DNAJC5: variants seen among roughly 807,000 people sequenced by gnomAD.
DNAJC5 encodes the protein DnaJ heat shock protein family (Hsp40) member C5, also known as dnaJ homolog subfamily C member 5.
DNAJC5 carries 1 observed loss-of-function variant against 23.2 expected under a neutral mutation model. The ratio of observed to expected loss-of-function variants is 0.04; its 90% CI spans 0.02 to 0.20. The LOEUF (loss-of-function observed/expected upper bound fraction) is 0.20, where lower values mean the gene tolerates loss of function less well. Ranked by LOEUF, DNAJC5 falls within the 10% of genes least tolerant of loss-of-function variation. The pLI is 1.00. For missense variants in DNAJC5, 180 were observed against 267.0 expected (o/e 0.67, Z 2.27); for synonymous variants, 136 against 120.0 (o/e 1.13, Z -0.87).
At chr20:63,903,143 T>C (rs920386098) in intron 1 of DNAJC5, among the ~76,000 whole-genome samples, 1 of 151,988 alleles carries the variant, frequency 6.6e-6, no homozygotes, top group Non-Finnish European at 1.5e-5. Flanking sequence ...TGACTAATGT[T>C]TTAATTTTTG....
intron 1 of DNAJC5, among the ~76,000 whole-genome samples, chr20:63,925,818 T>C (rs1199881848): frequency 6.8e-6 from 1 of 146,242 alleles, no homozygotes; most frequent in Non-Finnish European, 1.5e-5. Flanking sequence ...GCCTGGAATT[T>C]TATCTGGTTT....
chr20:63,914,166 C>A (rs1271924854), intron 1 of DNAJC5, among the ~76,000 whole-genome samples: 5 of 152,222 alleles, frequency 3.3e-5, no homozygotes, highest in Non-Finnish European at 5.9e-5. Flanking sequence ...TCAGTCCTTA[C>A]AGCCCAGAAC....
intron 1 of DNAJC5, among the ~76,000 whole-genome samples, chr20:63,922,816 C>T (rs567857135): frequency 1.8e-4 from 27 of 152,032 alleles, no homozygotes; most frequent in African/African-American, 6.5e-4. Flanking sequence ...AGGTATTTAC[C>T]ATTTCCAGTG....
rs1251315011 is a variant in DNAJC5, at chr20:63,934,688, C to T, written c.*3120C>T. 1 of 152,240 alleles carries T rather than the reference C, an allele frequency of 6.6e-6. No homozygotes were observed. Among genetic ancestry groups the T allele is most frequent in the African/African-American group, 2.4e-5 (1 of 41,452 alleles). The allele number at this position is 152,240 out of a possible 1,614,324, so 9.4% of individuals were successfully genotyped here. A position where few individuals can be genotyped will look rare whatever the true frequency, so the allele number is the denominator to read the frequency against. On this transcript the variant is annotated 3_prime_UTR_variant, in exon 5 of 5. Coordinates refer to ENST00000360864, the MANE Select transcript of DNAJC5 (RefSeq NM_025219.3). ...AGTGTTTGTGAACTTTCCTAGTTCT[C>T]TATGTTGTTAGTGCAGCCAGCACCC...
chr20:63,923,835 CT>C lies in DNAJC5; in HGVS notation c.-11-4499del, dbSNP rs555298035. ...TGCCAAGTCCATCCGTTCCTACACT[CT>C]CACTGCCTCCAAGTCATTCTGCGCT... On this transcript the variant is annotated intron_variant, in intron 1 of 4. Coordinates refer to ENST00000360864, the MANE Select transcript of DNAJC5 (RefSeq NM_025219.3). Among the ~76,000 whole-genome samples the C allele has an allele frequency of 4.6e-3, 694 of 152,378 alleles. 3 individuals carry two copies. Among genetic ancestry groups the C allele is most frequent in the African/African-American group, 0.016 (653 of 41,586 alleles).
At chr20:63,919,494 G>T (rs757345661) in intron 1 of DNAJC5, 1 of 456,996 alleles carries the variant, frequency 2.2e-6, no homozygotes, top group Non-Finnish European at 4.2e-6. Context: ...GGAAGAGGAC[G>T]CACCCGGCTG....
At chr20:63,895,774 G>A (rs1002901959) in intron 1 of DNAJC5, among the ~76,000 whole-genome samples, 3 of 152,228 alleles carry the variant, frequency 2.0e-5, no homozygotes, top group African/African-American at 7.2e-5. Flanking sequence ...TCGGGGAATT[G>A]AAAATTGTTC....
At chr20:63,923,920 C>CT (rs1172942615) in intron 1 of DNAJC5, among the ~76,000 whole-genome samples, 1 of 152,138 alleles carries the variant, frequency 6.6e-6, no homozygotes, top group Non-Finnish European at 1.5e-5. Flanking sequence ...TAGTAATTGA[C>CT]TTGTGTAAGA....
Position 63,928,591 on chromosome 20 carries a change from C to CACCTTT in DNAJC5, c.107+140_107+145dup, listed in dbSNP as rs1460971347. Reference sequence around the variant, plus strand: ...CGTTGAACTGGTCACAGCTCGGTAACACCTTTGTATGTGTAATGTGCTCCT... The same window carrying CACCTTT: ...CGTTGAACTGGTCACAGCTCGGTAACACCTTTACCTTTGTATGTGTAATGTGCTCCT... On this transcript the variant is annotated intron_variant, in intron 2 of 4. Transcript: ENST00000360864. This position sits in a 1 kb window ranked among gnomAD's most constrained non-coding sequence, Gnocchi z 4.6. 1.8e-5 allele frequency: 13 copies of CACCTTT among 731,104 alleles called. No homozygotes were observed. The Admixed American group carries it at 2.4e-4, about 14-fold the overall frequency. 45.3% of individuals were successfully genotyped at this position (731,104 alleles called of 1,614,324 possible).
At chr20:63,905,346 C>T (rs1202449673) in intron 1 of DNAJC5, among the ~76,000 whole-genome samples, 2 of 152,080 alleles carry the variant, frequency 1.3e-5, no homozygotes, top group African/African-American at 4.8e-5. Context: ...GACCTCCTGA[C>T]CTCAAGTGAT....
chr20:63,908,446 A>G (rs924838869), intron 1 of DNAJC5, among the ~76,000 whole-genome samples: 1 of 152,200 alleles, frequency 6.6e-6, no homozygotes, highest in Non-Finnish European at 1.5e-5. Context: ...TGGTCTGCTC[A>G]GTGGAAGCAT....
rs1372140406 is a variant in DNAJC5 at position 63,933,069 on chromosome 20, G to A, written c.*1501G>A. 6 of 152,436 alleles carry A rather than the reference G, an allele frequency of 3.9e-5. No individual in the cohort carries two copies. Among genetic ancestry groups the A allele is most frequent in the Non-Finnish European group, 7.3e-5 (5 of 68,104 alleles). 9.4% of individuals were successfully genotyped at this position (152,436 alleles called of 1,614,324 possible). A position where few individuals can be genotyped will look rare whatever the true frequency, so the allele number is the denominator to read the frequency against. On this transcript the variant is annotated 3_prime_UTR_variant, in exon 5 of 5. Transcript: ENST00000360864. ...CATGCTGCAGACTCCAGTGGGCCTG[G>A]TTTCTGCAGAATGTCCATGGTGGCC...
Position 63,918,739 on chromosome 20 carries a change from C to T in DNAJC5, c.-11-9596C>T, listed in dbSNP as rs143042551. On this transcript the variant is annotated intron_variant, in intron 1 of 4. Coordinates refer to ENST00000360864, the MANE Select transcript of DNAJC5 (RefSeq NM_025219.3). ...CCTCCCGAGTAGCTGGGACTACAGG[C>T]GCCCACCACCATGCCTGGCTAATGT... 8.7e-3 allele frequency among the ~76,000 whole-genome samples: 1,320 copies of T among 152,270 alleles called. 11 individuals carry two copies. Among genetic ancestry groups the T allele is most frequent in the Non-Finnish European group, 0.011 (723 of 68,026 alleles).
At chr20:63,922,889 C>T (rs2053583781) in intron 1 of DNAJC5, among the ~76,000 whole-genome samples, 1 of 152,158 alleles carries the variant, frequency 6.6e-6, no homozygotes. Flanking sequence ...CCTGTAATCC[C>T]CAGCACTTTG....
At position 63,929,761 on chromosome 20, in the gene DNAJC5, C is replaced by G. The variant is rs1399927223; in HGVS notation, c.321+236C>G. Among the ~76,000 whole-genome samples, 1 of 152,206 alleles carries G rather than the reference C, an allele frequency of 6.6e-6. No homozygotes were observed. The highest frequency in any genetic ancestry group is 1.5e-5 in the Non-Finnish European group (1 of 68,040). On this transcript the variant is annotated intron_variant, in intron 3 of 4. Coordinates refer to ENST00000360864, the MANE Select transcript of DNAJC5 (RefSeq NM_025219.3). The surrounding 1 kb of genome is among the most constrained non-coding windows in gnomAD (Gnocchi z 8.6). Reference sequence around the variant, plus strand: ...ACCCGAGTCTCTCCTGCCATGTGGGCACCCGGGTCACTCCACGCCTGCAGG... The same window carrying G: ...ACCCGAGTCTCTCCTGCCATGTGGGGACCCGGGTCACTCCACGCCTGCAGG...
At chr20:63,910,230 C>A (rs763759106) in intron 1 of DNAJC5, among the ~76,000 whole-genome samples, 71 of 152,248 alleles carry the variant, frequency 4.7e-4, no homozygotes, top group Admixed American at 9.2e-4. Flanking sequence ...GACTTTTTGT[C>A]TGCTGTTTGC....
At chr20:63,921,289 C>A (rs1490598548) in intron 1 of DNAJC5, among the ~76,000 whole-genome samples, 1 of 152,042 alleles carries the variant, frequency 6.6e-6, no homozygotes, top group African/African-American at 2.4e-5. Context: ...ATAATGATGT[C>A]ACTAAAAGAG....
At chr20:63,913,398 C>CTT (rs1156495840) in intron 1 of DNAJC5, among the ~76,000 whole-genome samples, 5 of 142,936 alleles carry the variant, frequency 3.5e-5, no homozygotes, top group African/African-American at 7.7e-5. Flanking sequence ...TTTTTTCTTT[C>CTT]TTTTTTTTTT....
intron 1 of DNAJC5, among the ~76,000 whole-genome samples, chr20:63,918,007 G>A (rs886278227): frequency 3.9e-5 from 6 of 152,144 alleles, no homozygotes; most frequent in Non-Finnish European, 5.9e-5. Flanking sequence ...TCAGCTTCAC[G>A]CTGTCCGCCC....
Sources: gnomAD v4.1 joint callset for allele counts (sites outside exome capture counted in the v4.1 genomes callset) on GRCh38, gnomAD v4.1.1 for gene constraint, Gnocchi (gnomAD v3.1) non-coding constraint, MANE v1.5 for transcripts, NCBI Gene and HGNC (gene_info 2026-07-23, HGNC 2026-07-21) for gene names.